The following CSMD1 variants were observed in gnomAD, a reference collection of about 807,000 sequenced individuals.
CSMD1 encodes the protein CUB and Sushi multiple domains 1.
A neutral mutation model predicts 417.5 loss-of-function variants in CSMD1; 213 were observed. The ratio of observed to expected loss-of-function variants is 0.51; its 90% confidence interval spans 0.46 to 0.57. The LOEUF (loss-of-function observed/expected upper bound fraction) is 0.57, where lower values mean the gene tolerates loss of function less well. Among genes scored for constraint, CSMD1 ranks in the 20% least tolerant of loss-of-function variants. The pLI is 0.00. For synonymous variants in CSMD1, 2,862 were observed against 1,736.8 expected, an observed-to-expected ratio of 1.65 and a Z score of -16.11; for missense variants, 6,923 against 4,529.7, an observed-to-expected ratio of 1.53 and a Z score of -15.17.
chr8:3,669,290 T>C (rs1441972555), intron 7 of CSMD1, among the ~76,000 whole-genome samples: 3 of 152,202 alleles, frequency 2.0e-5, no homozygotes, highest in Admixed American at 1.3e-4. Context: ...ATCTGTCATT[T>C]TGTCATTGTG....
At chr8:3,769,226 T>C (rs1798447615) in intron 5 of CSMD1, among the ~76,000 whole-genome samples, 1 of 152,190 alleles carries the variant, frequency 6.6e-6, no homozygotes, top group African/African-American at 2.4e-5. Context: ...CCTACAACAC[T>C]CGAAGGCAAT....
At chr8:4,374,111 C>A (rs144416143) in intron 3 of CSMD1, among the ~76,000 whole-genome samples, 1 of 152,086 alleles carries the variant, frequency 6.6e-6, no homozygotes, top group East Asian at 1.9e-4. Flanking sequence ...GGTTTTCACA[C>A]CTGCCATTTT....
At chr8:3,528,896 T>C (rs548794778) in intron 10 of CSMD1, among the ~76,000 whole-genome samples, 2 of 152,328 alleles carry the variant, frequency 1.3e-5, no homozygotes, top group East Asian at 3.9e-4. Flanking sequence ...GTGCATTTCA[T>C]TTGCATTTAT....
intron 40 of CSMD1, among the ~76,000 whole-genome samples, chr8:3,145,817 T>C (rs1225038494): frequency 1.3e-5 from 2 of 152,336 alleles, no homozygotes; most frequent in Non-Finnish European, 2.9e-5. Flanking sequence ...AAAATCTGAA[T>C]ACTTACCTTT....
intron 12 of CSMD1, among the ~76,000 whole-genome samples, chr8:3,449,585 T>C (rs1815556891): frequency 6.6e-6 from 1 of 152,144 alleles, no homozygotes; most frequent in East Asian, 1.9e-4. Context: ...TGGCACAATA[T>C]TGGCTCACTG....
intron 8 of CSMD1, among the ~76,000 whole-genome samples, chr8:3,612,835 T>G (rs553465436): frequency 6.6e-6 from 1 of 152,134 alleles, no homozygotes; most frequent in South Asian, 2.1e-4. Flanking sequence ...ATAAAGGTCT[T>G]AAATCACTGA....
chr8:3,708,744 C>A (rs1204050130), intron 6 of CSMD1, among the ~76,000 whole-genome samples: 1 of 152,192 alleles, frequency 6.6e-6, no homozygotes, highest in Non-Finnish European at 1.5e-5. Context: ...CTGCCACTGA[C>A]TTTACACATC....
chr8:3,092,022 G>A (rs1160036477), intron 47 of CSMD1, among the ~76,000 whole-genome samples: 1 of 152,108 alleles, frequency 6.6e-6, no homozygotes, highest in Non-Finnish European at 1.5e-5. Context: ...ACTAGTGGAA[G>A]CGTAAAGTAG....
chr8:4,187,573 G>A (rs1485282543), intron 3 of CSMD1, among the ~76,000 whole-genome samples: 2 of 148,938 alleles, frequency 1.3e-5, no homozygotes, highest in African/African-American at 4.9e-5. Flanking sequence ...GAACCCAGGA[G>A]GCTAATGTAG....
At chr8:4,726,838 C>T (rs935951486) in intron 1 of CSMD1, among the ~76,000 whole-genome samples, 4 of 152,034 alleles carry the variant, frequency 2.6e-5, no homozygotes, top group Non-Finnish European at 5.9e-5. Context: ...CCTGAAGATG[C>T]AAATGACCTG....
chr8:4,857,985 C>A (rs1485170827), intron 1 of CSMD1, among the ~76,000 whole-genome samples: 1 of 152,164 alleles, frequency 6.6e-6, no homozygotes, highest in South Asian at 2.1e-4. Context: ...AGACCAATAT[C>A]TTTGATGAAC....
intron 47 of CSMD1, 66 bp from the exon 48 acceptor site, chr8:3,091,728 T>A: frequency 6.8e-7 from 1 of 1,467,862 alleles, no homozygotes; most frequent in Non-Finnish European, 9.2e-7. Context: ...CATACTAGGT[T>A]TAGCTTTTGA....
At chr8:4,284,205 T>TA (rs1204869555) in intron 3 of CSMD1, among the ~76,000 whole-genome samples, 1 of 152,056 alleles carries the variant, frequency 6.6e-6, no homozygotes, top group Non-Finnish European at 1.5e-5. Context: ...CTATCTCTAC[T>TA]AAAAATACAA....
At chr8:3,213,412 G>A (rs951966286) in intron 30 of CSMD1, among the ~76,000 whole-genome samples, 1 of 152,078 alleles carries the variant, frequency 6.6e-6, no homozygotes, top group Non-Finnish European at 1.5e-5. Context: ...CCACCACCTA[G>A]GTGAAGATAT....
intron 49 of CSMD1, among the ~76,000 whole-genome samples, chr8:3,086,681 T>C (rs184685108): frequency 1.3e-5 from 2 of 152,262 alleles, no homozygotes; most frequent in African/African-American, 4.8e-5. Flanking sequence ...TAGATTTAAA[T>C]AACAAAACAA....
intron 5 of CSMD1, among the ~76,000 whole-genome samples, chr8:3,786,821 A>AATCTC (rs1436414757): frequency 6.6e-6 from 1 of 152,134 alleles, no homozygotes; most frequent in Non-Finnish European, 1.5e-5. Context: ...AAGGAAACAG[A>AATCTC]ATCTCTACTG....
intron 3 of CSMD1, among the ~76,000 whole-genome samples, chr8:4,093,896 G>T (rs371653138): frequency 6.6e-6 from 1 of 152,018 alleles, no homozygotes; most frequent in South Asian, 2.1e-4. Context: ...GGAGGCAGAG[G>T]TTTCAGTGAG....
intron 1 of CSMD1, among the ~76,000 whole-genome samples, chr8:4,823,679 G>C (rs1799646786): frequency 6.6e-6 from 1 of 152,000 alleles, no homozygotes; most frequent in African/African-American, 2.4e-5. Context: ...ATATAAACAA[G>C]TAATTCTCTA....
chr8:4,096,583 T>C (rs1016582496), intron 3 of CSMD1, among the ~76,000 whole-genome samples: 2 of 152,168 alleles, frequency 1.3e-5, no homozygotes, highest in Admixed American at 6.6e-5. Context: ...AGGATACCTT[T>C]TCTTAAGTTT....
Sources: gnomAD v4.1 joint callset for allele counts (sites outside exome capture counted in the v4.1 genomes callset) on GRCh38, gnomAD v4.1.1 for gene constraint, MANE v1.5 for transcripts, NCBI Gene and HGNC (gene_info 2026-07-23, HGNC 2026-07-21) for gene names.